Variants in GAA observed in about 807,000 individuals in gnomAD.
GAA encodes alpha glucosidase, also known as lysosomal alpha-glucosidase.
GAA carries 88 observed loss-of-function variants against 103.9 expected under a neutral mutation model. The ratio of observed to expected loss-of-function variants is 0.85; its 90% CI spans 0.71 to 1.01. The LOEUF is 1.01. GAA is among the 50% of genes least tolerant of loss of function. GAA has a pLI of 0.00. For missense variants in GAA, 1,350 were observed against 1,305.3 expected, an observed-to-expected ratio of 1.03 and a Z score of -0.53; for synonymous variants, 572 against 563.1, an observed-to-expected ratio of 1.02 and a Z score of -0.22.
At chr17:80,114,602 C>T (rs1598588580) in intron 15 of GAA, among the ~76,000 whole-genome samples, 1 of 151,874 alleles carries the variant, frequency 6.6e-6, no homozygotes, top group South Asian at 2.1e-4. Flanking sequence ...AGCCCATCCA[C>T]GCAGATTTAT....
intron 8 of GAA, among the ~76,000 whole-genome samples, chr17:80,109,187 G>A (rs2039170458): frequency 6.6e-6 from 1 of 152,216 alleles, no homozygotes; most frequent in Non-Finnish European, 1.5e-5. Flanking sequence ...GAGGCTCCGT[G>A]TGCCTTCTGG....
Position 80,112,572 on chromosome 17 carries a change from C to A in GAA, c.1755-6C>A, listed in dbSNP as rs1394807820. The A allele has an allele frequency of 1.2e-6, 2 of 1,612,962 alleles. No individual in the cohort carries two copies. The highest frequency in any genetic ancestry group is 1.7e-5 in the Admixed American group (1 of 60,028). ...ACAGCCCTCACGGTGTCCCCCACCA[C>A]CCCAGGGCGCTGGTGAAGGCTCGGG... On this transcript the variant is annotated splice_region_variant and splice_polypyrimidine_tract_variant and intron_variant, in intron 12 of 19. Coordinates refer to ENST00000302262, the MANE Select transcript of GAA (RefSeq NM_000152.5).
rs533499306 is a variant in GAA, at chr17:80,111,145, G to T, written c.1636+120G>T. Reference sequence around the variant, plus strand: ...GATGGGCCAGCGGGGAAAGGGGCGGGGGGGGGATCCCCAGGAGAAAGGCTC... The same window carrying T: ...GATGGGCCAGCGGGGAAAGGGGCGGTGGGGGGATCCCCAGGAGAAAGGCTC... On this transcript the variant is annotated intron_variant, in intron 11 of 19. Coordinates refer to ENST00000302262, the MANE Select transcript of GAA (RefSeq NM_000152.5). 6.8e-5 allele frequency: 64 copies of T among 943,774 alleles called. 1 individual carries two copies. Among genetic ancestry groups the T allele is most frequent in the East Asian group, 1.8e-4 (7 of 38,192 alleles). 58.5% of individuals were successfully genotyped at this position (943,774 alleles called of 1,614,324 possible).
intron 3 of GAA, among the ~76,000 whole-genome samples, chr17:80,106,288 G>A (rs555980952): frequency 6.6e-6 from 1 of 152,222 alleles, no homozygotes; most frequent in Non-Finnish European, 1.5e-5. Flanking sequence ...CCTGCTCCCG[G>A]GGACAGACAC....
rs2039164178 is a variant in GAA, at chr17:80,108,897, C to T, written c.1326+69C>T. 5 of 1,506,514 alleles carry T rather than the reference C, an allele frequency of 3.3e-6. 1 individual carries two copies. In the East Asian group the frequency reaches 1.2e-4, roughly 37 times the overall value. The allele number at this position is 1,506,514 out of a possible 1,614,324, so 93.3% of individuals were successfully genotyped here. ...GGTGCCCAGTGGCTCCTTCTCTGTG[C>T]AGCGTCATCCTCGTGCCTGTGTGGT... On this transcript the variant is annotated intron_variant, in intron 8 of 19. Transcript: ENST00000302262.
Position 80,108,780 on chromosome 17 carries a change from C to T in GAA, c.1278C>T (p.Ala426=). 1 of 1,608,860 alleles carries T rather than the reference C, an allele frequency of 6.2e-7. No individual in the cohort carries two copies. The highest frequency in any genetic ancestry group is 8.5e-7 in the Non-Finnish European group (1 of 1,178,114). ...FNKDGFRDFP[A]MVQELHQGGR... The stretch of plus-strand genomic sequence containing the variant: ...AGGATGGCTTCCGGGACTTCCCGGC[C>T]ATGGTGCAGGAGCTGCACCAGGGCG... Residue 426 remains alanine, a synonymous_variant, in exon 8 of 20, where the codon GCC becomes GCT. Transcript: ENST00000302262.
Position 80,117,877 on chromosome 17 carries a change from A to G in GAA, c.2481+128A>G, listed in dbSNP as rs760656694. ...GGGGCCGCCCCCCGCAGTGTAGGTT[A>G]TCAAGGAGCCAGCCAGGCCAGTGAG... is the stretch of plus-strand genomic sequence containing the variant. On this transcript the variant is annotated intron_variant, in intron 17 of 19. Transcript: ENST00000302262. The G allele has an allele frequency of 7.5e-5, 75 of 1,001,464 alleles. No individual in the cohort carries two copies. Among genetic ancestry groups the G allele is most frequent in the Non-Finnish European group, 1.0e-4 (70 of 703,024 alleles). The allele number at this position is 1,001,464 out of a possible 1,614,324, so 62.0% of individuals were successfully genotyped here.
chr17:80,108,509 T>C lies in GAA; in HGVS notation c.1096T>C (p.Tyr366His), dbSNP rs770705917. 1 of 1,613,138 alleles carries C rather than the reference T, an allele frequency of 6.2e-7. No individual in the cohort carries two copies. Among genetic ancestry groups the C allele is most frequent in the South Asian group, 1.1e-5 (1 of 91,086 alleles). Residue 366 changes from tyrosine (Y) to histidine (H), a missense_variant, in exon 7 of 20, where the codon TAC becomes CAC. Physicochemically the swap from Tyr to His is moderately conservative, Grantham distance 83 (BLOSUM62 2). Coordinates refer to ENST00000302262, the MANE Select transcript of GAA (RefSeq NM_000152.5). The stretch of plus-strand genomic sequence containing the variant: ...TGCAGGATACCCGTTCATGCCGCCA[T>C]ACTGGGGCCTGGGCTTCCACCTGTG... ...DVVGYPFMPP[Y>H]WGLGFHLCRW...
At chr17:80,116,835 C>T in intron 15 of GAA, 133 bp from the exon 16 acceptor site, 1 of 960,732 alleles carries the variant, frequency 1.0e-6, no homozygotes, top group Non-Finnish European at 1.6e-6. Context: ...TGACCTGAGT[C>T]CTCCAAGTCC....
chr17:80,116,828 C>A (rs533093475), intron 15 of GAA, 140 bp from the exon 16 acceptor site: 1 of 890,272 alleles, frequency 1.1e-6, no homozygotes, highest in African/African-American at 1.6e-5. Flanking sequence ...GCCCGTCTGA[C>A]CTGAGTCCTC....
chr17:80,117,685 C>T lies in GAA; in HGVS notation c.2417C>T (p.Thr806Met), dbSNP rs139850074. ...PAIHSEGQWV[T>M]LPAPLDTINV... ...ATCCACAGCGAGGGGCAGTGGGTGA[C>T]GCTGCCGGCCCCCCTGGACACCATC... The change falls in exon 17 of 20, where the codon ACG (threonine) becomes ATG (methionine). Residue 806 changes from threonine (T) to methionine (M), a missense_variant. Coordinates refer to ENST00000302262, the MANE Select transcript of GAA (RefSeq NM_000152.5). 3.3e-4 allele frequency: 530 copies of T among 1,612,508 alleles called. 1 individual carries two copies. Among genetic ancestry groups the T allele is most frequent in the Admixed American group, 1.6e-3 (93 of 59,992 alleles).
rs1567826289 is a variant in GAA at position 80,105,038 on chromosome 17, C to T, written c.452C>T (p.Thr151Ile). The change falls in exon 2 of 20, where the codon ACC becomes ATC. Residue 151 changes from threonine (T) to isoleucine (I), a missense_variant. Physicochemically the swap from Thr to Ile is moderately conservative, Grantham distance 89 (BLOSUM62 -1). Coordinates refer to ENST00000302262, the MANE Select transcript of GAA (RefSeq NM_000152.5). ...LSSSEMGYTA[T>I]LTRTTPTFFP... The stretch of plus-strand genomic sequence containing the variant: ...TCCTCTGAAATGGGCTACACGGCCA[C>T]CCTGACCCGTACCACCCCCACCTTC... 6.2e-7 allele frequency: 1 copy of T among 1,612,980 alleles called. No homozygotes were observed. Among genetic ancestry groups the T allele is most frequent in the Non-Finnish European group, 8.5e-7 (1 of 1,180,034 alleles).
At chr17:80,112,769 G>A in intron 13 of GAA, 58 bp downstream of exon 13, 1 of 1,578,282 alleles carries the variant, frequency 6.3e-7, no homozygotes, top group Non-Finnish European at 8.6e-7. Context: ...CTCTATGGGA[G>A]GCTTGCCGGG....
intron 3 of GAA, 43 bp downstream of exon 3, chr17:80,105,937 C>T (rs747405903): frequency 2.2e-5 from 34 of 1,556,782 alleles, no homozygotes; most frequent in Non-Finnish European, 2.8e-5. Context: ...GAGGGCGACG[C>T]GCATTTCTCA....
chr17:80,112,984 C>T lies in GAA; in HGVS notation c.1997C>T (p.Ala666Val), dbSNP rs948186703. 1 of 1,610,914 alleles carries T rather than the reference C, an allele frequency of 6.2e-7. No individual in the cohort carries two copies. The highest frequency in any genetic ancestry group is 8.5e-7 in the Non-Finnish European group (1 of 1,179,184). The change falls in exon 14 of 20, where the codon GCC becomes GTC. Residue 666 changes from alanine to valine, a missense_variant. By Grantham distance (64) the Ala-to-Val change is moderately conservative. Transcript: ENST00000302262. The stretch of plus-strand genomic sequence containing the variant: ...TGTGTGCGCTGGACCCAGCTGGGGG[C>T]CTTCTACCCCTTCATGCGGAACCAC... ...ELCVRWTQLG[A>V]FYPFMRNHNS... is the part of the protein sequence containing the mutation.
rs1236552362 is a variant in GAA, at chr17:80,101,613, C to T, written c.-310C>T. 1 of 150,966 alleles carries T rather than the reference C, an allele frequency of 6.6e-6. No homozygotes were observed. The highest frequency in any genetic ancestry group is 1.5e-5 in the Non-Finnish European group (1 of 67,658). 9.4% of individuals were successfully genotyped at this position (150,966 alleles called of 1,614,324 possible). A position where few individuals can be genotyped will look rare whatever the true frequency, so the allele number is the denominator to read the frequency against. On this transcript the variant is annotated 5_prime_UTR_variant, in exon 1 of 20. Transcript: ENST00000302262. Reference sequence around the variant, plus strand: ...GGAGTCTCCGCGGGCGGCCAGGGCGCGCGTGCGCGGAGGTGAGCCGGGCCG... The same window carrying T: ...GGAGTCTCCGCGGGCGGCCAGGGCGTGCGTGCGCGGAGGTGAGCCGGGCCG...
rs2143849260 is a variant in GAA, at chr17:80,107,820, G to A, written c.879G>A (p.Gly293=). ...CCCAGCCCGGTGCGAACCTCTACGG[G>A]TCTCACCCTTTCTACCTGGCGCTGG... ...LAPTPGANLY[G]SHPFYLALED... is the part of the protein sequence containing the mutation. Residue 293 remains glycine (G), a synonymous_variant, in exon 5 of 20, where the codon GGG becomes GGA. Coordinates refer to ENST00000302262, the MANE Select transcript of GAA (RefSeq NM_000152.5). The A allele has an allele frequency of 3.1e-6, 5 of 1,612,050 alleles. No homozygotes were observed. Among genetic ancestry groups the A allele is most frequent in the Non-Finnish European group, 4.2e-6 (5 of 1,179,644 alleles).
In GAA at chr17:80,117,606, G is replaced by T. The variant is rs1126690; in HGVS notation, c.2338G>T (p.Val780Leu). ...GTWYDLQTVP[V>L]EALGSLPPPP... The stretch of plus-strand genomic sequence containing the variant: ...AAGCAACATCTCCCTCCAGGTGCCA[G>T]TAGAGGCCCTTGGCAGCCTCCCACC... The change falls in exon 17 of 20, where the codon GTA becomes TTA. Residue 780 changes from valine to leucine, a missense_variant. Physicochemically the swap from Val to Leu is conservative, Grantham distance 32. Transcript: ENST00000302262. 1 of 1,612,668 alleles carries T rather than the reference G, an allele frequency of 6.2e-7. No homozygotes were observed. The highest frequency in any genetic ancestry group is 1.1e-5 in the South Asian group (1 of 91,064).
At chr17:80,107,217 C>G (rs559453952) in intron 3 of GAA, among the ~76,000 whole-genome samples, 9 of 152,320 alleles carry the variant, frequency 5.9e-5, no homozygotes, top group African/African-American at 2.2e-4. Context: ...TGTTCAGCCC[C>G]TGCCCAGCCT....
Sources: allele counts gnomAD v4.1 joint callset (sites outside exome capture counted in the v4.1 genomes callset), GRCh38; gene constraint gnomAD v4.1.1; transcripts MANE v1.5; gene names NCBI Gene and HGNC (gene_info 2026-07-23, HGNC 2026-07-21).